Variants in RERE observed in about 807,000 individuals in gnomAD.
RERE encodes the protein arginine-glutamic acid dipeptide repeats, also known as arginine-glutamic acid dipeptide repeats protein.
Under a neutral mutation model 146.1 loss-of-function variants are expected in RERE, and 40 were observed. The observed-to-expected ratio is 0.27, with a 90% CI of 0.21 to 0.36. The LOEUF (loss-of-function observed/expected upper bound fraction) is 0.36, where lower values mean the gene tolerates loss of function less well. Among genes scored for constraint, RERE ranks in the 10% least tolerant of loss-of-function variants. The pLI, the probability that RERE is intolerant of heterozygous loss-of-function variation, is 1.00. For missense variants in RERE, 1,933 were observed against 2,138.7 expected, an observed-to-expected ratio of 0.90 and a Z score of 1.90; for synonymous variants, 1,003 against 866.0, an observed-to-expected ratio of 1.16 and a Z score of -2.78.
intron 1 of RERE, among the ~76,000 whole-genome samples, chr1:8,705,582 T>G (rs1639541623): frequency 6.6e-6 from 1 of 152,220 alleles, no homozygotes; most frequent in Non-Finnish European, 1.5e-5. Flanking sequence ...GATCTCCGTT[T>G]GTAAGTCATG....
intron 1 of RERE, among the ~76,000 whole-genome samples, chr1:8,657,599 C>T (rs1638352894): frequency 6.6e-6 from 1 of 152,162 alleles, no homozygotes; most frequent in African/African-American, 2.4e-5. Context: ...GTAATCACAG[C>T]ACTTTGGGAG....
intron 4 of RERE, among the ~76,000 whole-genome samples, chr1:8,598,468 T>G (rs6681362): frequency 0.6 from 90,524 of 151,906 alleles, 27,513 homozygotes; most frequent in East Asian, 0.83. Context: ...GGCAGCACGG[T>G]TCTCTCCAAT....
intron 1 of RERE, among the ~76,000 whole-genome samples, chr1:8,657,738 T>C (rs1638355645): frequency 6.6e-6 from 1 of 152,052 alleles, no homozygotes; most frequent in Non-Finnish European, 1.5e-5. Flanking sequence ...TCCCAGCTAC[T>C]TGGGAGGCTG....
chr1:8,421,462 C>T (rs776282690), intron 12 of RERE, among the ~76,000 whole-genome samples: 83 of 152,134 alleles, frequency 5.5e-4, no homozygotes, highest in Admixed American at 9.2e-4. Flanking sequence ...AAACAGGTTT[C>T]TCTCTCTCTG....
chr1:8,629,414 T>C (rs1281915889), intron 2 of RERE, among the ~76,000 whole-genome samples: 1 of 152,204 alleles, frequency 6.6e-6, no homozygotes, highest in African/African-American at 2.4e-5. Flanking sequence ...AAAGATCTAT[T>C]GTGCCATCTG....
chr1:8,761,048 C>T (rs1192808310), intron 1 of RERE, among the ~76,000 whole-genome samples: 4 of 152,174 alleles, frequency 2.6e-5, no homozygotes, highest in African/African-American at 4.8e-5. Context: ...GGTGGCAGAA[C>T]AAGGATTCAA....
At chr1:8,590,919 G>T (rs1047475392) in intron 4 of RERE, 2 of 152,226 alleles carry the variant, frequency 1.3e-5, no homozygotes, top group African/African-American at 4.8e-5. Flanking sequence ...TCTAGAAACA[G>T]CTGAAGAACT....
chr1:8,804,028 C>T (rs1200526550), intron 1 of RERE, among the ~76,000 whole-genome samples: 1 of 152,192 alleles, frequency 6.6e-6, no homozygotes, highest in East Asian at 1.9e-4. Context: ...TTAATGAAAA[C>T]TTTTCTCAAT....
chr1:8,462,046 G>A (rs1277124321), intron 11 of RERE, among the ~76,000 whole-genome samples: 1 of 152,056 alleles, frequency 6.6e-6, no homozygotes, highest in East Asian at 1.9e-4. Context: ...TGGAGACAAG[G>A]TCTTGCTGTG....
chr1:8,437,726 A>C (rs1644189922), intron 11 of RERE, among the ~76,000 whole-genome samples: 1 of 152,188 alleles, frequency 6.6e-6, no homozygotes, highest in Non-Finnish European at 1.5e-5. Flanking sequence ...AAGGAATACA[A>C]ACATACTAAT....
rs888823990 is a variant in RERE, at chr1:8,546,950, T to C, written c.726-5632A>G. On this transcript the variant is annotated intron_variant, in intron 6 of 22. Coordinates refer to ENST00000400908, the MANE Select transcript of RERE (RefSeq NM_001042681.2). ...AACAAGGAAGATTTTTAAACACTCCTGAAAGACAAAAAAGGGGATATGAAC... is the reference window on the plus strand; with the variant it reads ...AACAAGGAAGATTTTTAAACACTCCCGAAAGACAAAAAAGGGGATATGAAC... Among the ~76,000 whole-genome samples the C allele has an allele frequency of 3.3e-5, 5 of 151,710 alleles. No homozygotes were observed. In the South Asian group the frequency reaches 1.0e-3, roughly 32 times the overall value.
At chr1:8,465,378 T>C in intron 11 of RERE, 1 of 245,284 alleles carries the variant, frequency 4.1e-6, no homozygotes, top group East Asian at 1.0e-4. Flanking sequence ...TCAGGGGTCT[T>C]ACAAGCCCTA....
At chr1:8,386,022 A>ATAT (rs1186333936) in intron 12 of RERE, among the ~76,000 whole-genome samples, 36 of 26,634 alleles carry the variant, frequency 1.4e-3, no homozygotes, top group Admixed American at 2.9e-3. Context: ...ATATATATAT[A>ATAT]TTTTTTTTTT....
intron 7 of RERE, chr1:8,511,773 CTTTTTCTTTTTTTTTTT>C (rs1437933935): frequency 2.7e-5 from 4 of 150,584 alleles, no homozygotes; most frequent in Non-Finnish European, 4.4e-5. Context: ...TCTCTTTTTT[CTTTTTCTTTTTTTTTTT>C]TTTATCCTGT....
intron 1 of RERE, among the ~76,000 whole-genome samples, chr1:8,767,256 G>A (rs1640866171): frequency 6.6e-6 from 1 of 152,164 alleles, no homozygotes; most frequent in Non-Finnish European, 1.5e-5. Flanking sequence ...ACGGAAGGAT[G>A]GGTGGTATGA....
At chr1:8,568,637 C>T (rs1190391937) in intron 4 of RERE, among the ~76,000 whole-genome samples, 2 of 152,176 alleles carry the variant, frequency 1.3e-5, no homozygotes, top group South Asian at 2.1e-4. Flanking sequence ...CAGCACAAAG[C>T]CCTCCCCAGA....
At chr1:8,381,037 C>CT (rs1642431368) in intron 12 of RERE, 1 of 456,470 alleles carries the variant, frequency 2.2e-6, no homozygotes, top group Non-Finnish European at 4.4e-6. Flanking sequence ...CCTGGAACGC[C>CT]TTCTCCTGGT....
At chr1:8,601,114 G>A (rs953712334) in intron 4 of RERE, among the ~76,000 whole-genome samples, 9 of 146,246 alleles carry the variant, frequency 6.2e-5, no homozygotes, top group Non-Finnish European at 1.2e-4. Context: ...CCACCTTCTG[G>A]GTTCAAGCAG....
chr1:8,369,395 T>A (rs982545245), intron 12 of RERE, among the ~76,000 whole-genome samples: 2 of 151,794 alleles, frequency 1.3e-5, no homozygotes, highest in Non-Finnish European at 2.9e-5. Context: ...CAACTTTTTG[T>A]TGACACTTAA....
Sources: allele counts gnomAD v4.1 joint callset (sites outside exome capture counted in the v4.1 genomes callset), GRCh38; gene constraint gnomAD v4.1.1; transcripts MANE v1.5; gene names NCBI Gene and HGNC (gene_info 2026-07-23, HGNC 2026-07-21).